Variants in RREB1 observed in about 807,000 individuals in gnomAD.
RREB1 encodes the protein ras-responsive element-binding protein 1.
Under a neutral mutation model 117.8 loss-of-function variants are expected in RREB1, and 27 were observed. The observed-to-expected ratio is 0.23, with a 90% CI of 0.17 to 0.32. The LOEUF (loss-of-function observed/expected upper bound fraction) is 0.32, where lower values mean the gene tolerates loss of function less well. Among genes scored for constraint, RREB1 ranks in the 10% least tolerant of loss-of-function variants. The probability of loss-of-function intolerance (pLI) is 1.00; values close to 1 mark genes in which losing one functional copy is unlikely to be tolerated. For synonymous variants in RREB1, 1,298 were observed against 1,026.7 expected (o/e 1.26, Z -5.05); for missense variants, 2,577 against 2,378.2 (o/e 1.08, Z -1.74).
chr6:7,228,774 C>A (rs1767737421), intron 9 of RREB1, among the ~76,000 whole-genome samples: 1 of 151,956 alleles, frequency 6.6e-6, no homozygotes, highest in African/African-American at 2.4e-5. Flanking sequence ...TCTGGAGTAG[C>A]TGGGACTAGA....
chr6:7,176,993 G>C (rs534423690), intron 2 of RREB1, among the ~76,000 whole-genome samples: 2 of 152,068 alleles, frequency 1.3e-5, no homozygotes, highest in South Asian at 4.2e-4. Context: ...GAGGCGGACA[G>C]ATCACTTGAG....
intron 1 of RREB1, among the ~76,000 whole-genome samples, chr6:7,164,387 G>A (rs535279606): frequency 6.6e-6 from 1 of 152,286 alleles, no homozygotes; most frequent in African/African-American, 2.4e-5. Flanking sequence ...TTCCTTAATT[G>A]ATTTTAGGAA....
intron 9 of RREB1, among the ~76,000 whole-genome samples, chr6:7,228,303 C>T (rs567809224): frequency 1.3e-5 from 2 of 152,040 alleles, no homozygotes; most frequent in African/African-American, 4.8e-5. Flanking sequence ...CTCTGGACCT[C>T]AGTTTTGCAA....
intron 1 of RREB1, among the ~76,000 whole-genome samples, chr6:7,164,021 T>A (rs1333239437): frequency 6.6e-6 from 1 of 151,796 alleles, no homozygotes; most frequent in Non-Finnish European, 1.5e-5. Flanking sequence ...CGGGGCTGGG[T>A]CCTGTGGCTG....
At chr6:7,181,610 A>T in intron 3 of RREB1, 1 of 575,978 alleles carries the variant, frequency 1.7e-6, no homozygotes, top group Non-Finnish European at 3.0e-6. Flanking sequence ...AGGTAGAGAA[A>T]CCTGCCTCTC....
chr6:7,211,796 G>C (rs573966970), intron 8 of RREB1, 87 bp downstream of exon 8: 143 of 1,396,600 alleles, frequency 1.0e-4, no homozygotes, highest in Non-Finnish European at 1.3e-4. Context: ...TCCACACCGG[G>C]CTCCAGTGAT....
intron 9 of RREB1, 127 bp from the exon 10 acceptor site, chr6:7,228,868 CTT>C (rs1214365897): frequency 3.6e-6 from 3 of 828,544 alleles, no homozygotes; most frequent in East Asian, 3.1e-5. Flanking sequence ...GCTGGGAACT[CTT>C]TATGTTATGG....
intron 1 of RREB1, among the ~76,000 whole-genome samples, chr6:7,165,077 T>C (rs1763858016): frequency 6.6e-6 from 1 of 152,210 alleles, no homozygotes; most frequent in South Asian, 2.1e-4. Context: ...AGCATTGGCC[T>C]CTCACACACA....
Position 7,246,850 on chromosome 6 carries a change from G to A in RREB1, c.4400G>A (p.Arg1467Gln), listed in dbSNP as rs769360490. The change falls in exon 12 of 13, where the codon CGG becomes CAG. Residue 1467 changes from arginine to glutamine, a missense_variant. Coordinates refer to ENST00000379938, the MANE Select transcript of RREB1 (RefSeq NM_001003699.4). The stretch of plus-strand genomic sequence containing the variant: ...TTCCTGGGCACCCTGAGCCGCCACC[G>A]GAAGGCGCACGGCCGCCAGGAGCCC... ...FKFLGTLSRH[R>Q]KAHGRQEPKD... The A allele has an allele frequency of 2.8e-5, 43 of 1,553,384 alleles. No individual in the cohort carries two copies. Among genetic ancestry groups the A allele is most frequent in the Non-Finnish European group, 3.2e-5 (37 of 1,148,718 alleles).
chr6:7,145,408 A>T (rs1762812457), intron 1 of RREB1, among the ~76,000 whole-genome samples: 1 of 152,196 alleles, frequency 6.6e-6, no homozygotes, highest in African/African-American at 2.4e-5. Context: ...CACCAGGTAG[A>T]AACTGCTTTT....
chr6:7,237,376 C>T (rs935720387), intron 10 of RREB1, among the ~76,000 whole-genome samples: 23 of 151,794 alleles, frequency 1.5e-4, no homozygotes, highest in African/African-American at 4.9e-5. Context: ...TGTGAGCCTC[C>T]GTGCCGGCCT....
intron 3 of RREB1, 161 bp from the exon 4 acceptor site, chr6:7,181,709 G>A (rs1411393014): frequency 1.3e-4 from 88 of 665,094 alleles, no homozygotes; most frequent in Non-Finnish European, 1.8e-4. Context: ...TTAAATGAAA[G>A]CTTCCATCAC....
At chr6:7,208,379 C>T (rs1197747068) in intron 6 of RREB1, among the ~76,000 whole-genome samples, 1 of 152,192 alleles carries the variant, frequency 6.6e-6, no homozygotes, top group Admixed American at 6.5e-5. Context: ...ACATCAAATC[C>T]ATCGTCAGAC....
intron 1 of RREB1, among the ~76,000 whole-genome samples, chr6:7,109,788 G>T (rs916869208): frequency 6.6e-6 from 1 of 152,142 alleles, no homozygotes; most frequent in Non-Finnish European, 1.5e-5. Flanking sequence ...GCACACATTC[G>T]GGGCACTTTG....
At chr6:7,223,426 T>C (rs1767385663) in intron 8 of RREB1, among the ~76,000 whole-genome samples, 2 of 152,038 alleles carry the variant, frequency 1.3e-5, no homozygotes, top group African/African-American at 4.8e-5. Flanking sequence ...CTGGGCGTGG[T>C]GGCGCATGCC....
chr6:7,248,436 C>A, intron 12 of RREB1, 75 bp from the exon 13 acceptor site: 2 of 1,321,272 alleles, frequency 1.5e-6, no homozygotes, highest in South Asian at 1.3e-5. Context: ...GAGCCTCATT[C>A]TTCCTGTGCA....
At chr6:7,120,588 T>C (rs531625018) in intron 1 of RREB1, among the ~76,000 whole-genome samples, 1 of 152,338 alleles carries the variant, frequency 6.6e-6, no homozygotes, top group African/African-American at 2.4e-5. Flanking sequence ...TTTTCCTTTT[T>C]TTAATTTCCC....
At chr6:7,206,379 G>A (rs1319938202) in intron 6 of RREB1, among the ~76,000 whole-genome samples, 3 of 152,232 alleles carry the variant, frequency 2.0e-5, no homozygotes, top group Non-Finnish European at 4.4e-5. Flanking sequence ...ACCTGAGCGT[G>A]TATGTCATAG....
At position 7,137,266 on chromosome 6, in the gene RREB1, C is replaced by G. The variant is rs368275245; in HGVS notation, c.-285+29206C>G. Among the ~76,000 whole-genome samples, 5 of 152,336 alleles carry G rather than the reference C, an allele frequency of 3.3e-5. No homozygotes were observed. In the East Asian group the frequency reaches 7.7e-4, roughly 24 times the overall value. On this transcript the variant is annotated intron_variant, in intron 1 of 12. Transcript: ENST00000379938. ...AGACCTGATGCCTCTCCCTTCCCCC[C>G]TGAGCCCCCAGGGAAGGAGCTGCCT...
Sources: allele counts gnomAD v4.1 joint callset (sites outside exome capture counted in the v4.1 genomes callset), GRCh38; gene constraint gnomAD v4.1.1; transcripts MANE v1.5; gene names NCBI Gene and HGNC (gene_info 2026-07-23, HGNC 2026-07-21).